SLC25A21: variants seen among roughly 807,000 people sequenced by gnomAD.
SLC25A21 encodes the protein mitochondrial 2-oxodicarboxylate carrier.
A neutral mutation model predicts 43.8 loss-of-function variants in SLC25A21; 47 were observed. The ratio of observed to expected loss-of-function variants is 1.07; its 90% confidence interval spans 0.85 to 1.37. SLC25A21 has a LOEUF of 1.37. Among genes scored for constraint, SLC25A21 ranks in the 40% most tolerant of loss-of-function variants. SLC25A21 has a pLI of 0.00. For missense variants in SLC25A21, 352 were observed against 350.2 expected, an observed-to-expected ratio of 1.00 and a Z score of -0.04; for synonymous variants, 131 against 121.3, an observed-to-expected ratio of 1.08 and a Z score of -0.52.
chr14:36,980,069 T>C (rs931512065), intron 1 of SLC25A21, among the ~76,000 whole-genome samples: 1 of 152,242 alleles, frequency 6.6e-6, no homozygotes, highest in African/African-American at 2.4e-5. Flanking sequence ...TTATTTATCC[T>C]CTGCTTACTT....
At chr14:36,983,958 A>G (rs1346561312) in intron 1 of SLC25A21, among the ~76,000 whole-genome samples, 1 of 152,160 alleles carries the variant, frequency 6.6e-6, no homozygotes, top group Non-Finnish European at 1.5e-5. Flanking sequence ...ATGCATATAA[A>G]GACGGAAATA....
chr14:36,917,991 G>A (rs1032224215), intron 1 of SLC25A21, among the ~76,000 whole-genome samples: 2 of 152,076 alleles, frequency 1.3e-5, no homozygotes, highest in African/African-American at 2.4e-5. Flanking sequence ...TCAGGGTCTA[G>A]GTATGTGATT....
intron 8 of SLC25A21, among the ~76,000 whole-genome samples, chr14:36,684,484 T>C (rs1882439832): frequency 1.3e-5 from 2 of 152,182 alleles, no homozygotes; most frequent in South Asian, 4.1e-4. Flanking sequence ...AATACTACAT[T>C]ATACAAACTG....
chr14:36,922,817 T>C (rs1892018959), intron 1 of SLC25A21, among the ~76,000 whole-genome samples: 2 of 152,058 alleles, frequency 1.3e-5, no homozygotes, highest in Admixed American at 1.3e-4. Context: ...GAACCAGCTT[T>C]GAAAGAATCC....
At chr14:36,946,088 T>C (rs1334985624) in intron 1 of SLC25A21, among the ~76,000 whole-genome samples, 1 of 152,188 alleles carries the variant, frequency 6.6e-6, no homozygotes, top group Non-Finnish European at 1.5e-5. Context: ...ACCTCAAGGA[T>C]GTAAGTAGAA....
At position 36,725,722 on chromosome 14, in the gene SLC25A21, T is replaced by C. The variant is rs567415284; in HGVS notation, c.331-45A>G. ...CAATACTTTAAAACAAGTTATCATG[T>C]GTATGGGGTTAAACATCCTATTCAT... On this transcript the variant is annotated intron_variant, in intron 5 of 9. Coordinates refer to ENST00000331299, the MANE Select transcript of SLC25A21 (RefSeq NM_030631.4). 1.4e-5 allele frequency: 18 copies of C among 1,300,030 alleles called. No individual in the cohort carries two copies. In the East Asian group the frequency reaches 3.7e-4, roughly 27 times the overall value. The allele number at this position is 1,300,030 out of a possible 1,614,324, so 80.5% of individuals were successfully genotyped here.
chr14:36,803,757 T>A (rs1306524295), intron 3 of SLC25A21, among the ~76,000 whole-genome samples: 1 of 152,188 alleles, frequency 6.6e-6, no homozygotes, highest in African/African-American at 2.4e-5. Flanking sequence ...TATCTTTACA[T>A]ACATTGTGAT....
intron 1 of SLC25A21, among the ~76,000 whole-genome samples, chr14:36,976,100 C>G (rs535811824): frequency 6.2e-4 from 94 of 152,152 alleles, no homozygotes; most frequent in Non-Finnish European, 1.1e-3. Flanking sequence ...ATGTGTTGAC[C>G]TGCCATCCCT....
intron 3 of SLC25A21, among the ~76,000 whole-genome samples, chr14:36,799,448 T>G (rs1233387572): frequency 7.2e-5 from 11 of 152,100 alleles, no homozygotes; most frequent in Non-Finnish European, 1.3e-4. Flanking sequence ...ACAGAGCCCA[T>G]GCCAAAATAT....
chr14:36,689,708 G>A lies in SLC25A21; in HGVS notation c.604-4783C>T, dbSNP rs144430709. 5.7e-3 allele frequency among the ~76,000 whole-genome samples: 865 copies of A among 152,290 alleles called. 14 individuals are homozygous for A. The highest frequency in any genetic ancestry group is 0.02 in the African/African-American group (818 of 41,538). On this transcript the variant is annotated intron_variant, in intron 7 of 9. Coordinates refer to ENST00000331299, the MANE Select transcript of SLC25A21 (RefSeq NM_030631.4). ...CACACCACCACCATCAGCACCATGT[G>A]AGAACTTATTAGAAATCAAAATTGA...
chr14:36,755,765 A>G (rs1031658908), intron 3 of SLC25A21, among the ~76,000 whole-genome samples: 25 of 152,174 alleles, frequency 1.6e-4, no homozygotes, highest in African/African-American at 5.3e-4. Flanking sequence ...TACTTAATTG[A>G]TATCTTTCTT....
At chr14:37,026,527 A>G (rs1961096348) in intron 1 of SLC25A21, among the ~76,000 whole-genome samples, 1 of 151,916 alleles carries the variant, frequency 6.6e-6, no homozygotes, top group African/African-American at 2.4e-5. Context: ...TATGTAGCTT[A>G]TACCCCAACC....
At chr14:36,781,996 T>G (rs1471027075) in intron 3 of SLC25A21, among the ~76,000 whole-genome samples, 1 of 152,186 alleles carries the variant, frequency 6.6e-6, no homozygotes, top group African/African-American at 2.4e-5. Context: ...AAAGAATAGC[T>G]TTGTCAGGTA....
chr14:36,785,205 G>A (rs1454820641), intron 3 of SLC25A21, among the ~76,000 whole-genome samples: 1 of 152,176 alleles, frequency 6.6e-6, no homozygotes, highest in Non-Finnish European at 1.5e-5. Context: ...ACAGGTGGAT[G>A]CTTGTGAATG....
intron 3 of SLC25A21, among the ~76,000 whole-genome samples, chr14:36,743,629 C>T (rs1003733871): frequency 2.0e-5 from 3 of 152,004 alleles, no homozygotes; most frequent in African/African-American, 7.3e-5. Flanking sequence ...AGACAAGGAA[C>T]AAGACAAGGA....
intron 1 of SLC25A21, among the ~76,000 whole-genome samples, chr14:37,071,115 C>T (rs1382073896): frequency 6.6e-6 from 1 of 152,158 alleles, no homozygotes; most frequent in African/African-American, 2.4e-5. Flanking sequence ...AAATGATTAG[C>T]CATTTGTAAA....
intron 1 of SLC25A21, among the ~76,000 whole-genome samples, chr14:36,915,702 C>G (rs1226741263): frequency 1.3e-5 from 2 of 152,130 alleles, no homozygotes; most frequent in East Asian, 3.9e-4. Context: ...TATCATCACA[C>G]TTTCAGGCAA....
chr14:36,957,298 G>A (rs1023694522), intron 1 of SLC25A21, among the ~76,000 whole-genome samples: 5 of 152,150 alleles, frequency 3.3e-5, no homozygotes, highest in Non-Finnish European at 7.4e-5. Context: ...GAGGAAGAGC[G>A]GCCTTAATCA....
intron 7 of SLC25A21, among the ~76,000 whole-genome samples, chr14:36,709,079 C>G (rs2139184711): frequency 6.6e-6 from 1 of 152,048 alleles, no homozygotes; most frequent in African/African-American, 2.4e-5. Flanking sequence ...GCCAGCTCGG[C>G]TCACTGCAGC....
Sources: gnomAD v4.1 joint callset for allele counts (sites outside exome capture counted in the v4.1 genomes callset) on GRCh38, gnomAD v4.1.1 for gene constraint, MANE v1.5 for transcripts, NCBI Gene and HGNC (gene_info 2026-07-23, HGNC 2026-07-21) for gene names.